RICTOR: variants seen among roughly 807,000 people sequenced by gnomAD.
The protein encoded by RICTOR is RPTOR independent companion of MTOR complex 2.
RICTOR carries 49 observed loss-of-function variants against 214.9 expected under a neutral mutation model. That is an observed-to-expected ratio of 0.23 (90% CI 0.18 to 0.29). RICTOR has a LOEUF of 0.29. Among genes scored for constraint, RICTOR ranks in the 10% least tolerant of loss-of-function variants. The pLI is 1.00. For missense variants in RICTOR, 1,625 were observed against 2,047.0 expected, an observed-to-expected ratio of 0.79 and a Z score of 3.98; for synonymous variants, 717 against 711.3, an observed-to-expected ratio of 1.01 and a Z score of -0.13.
Position 38,963,058 on chromosome 5 carries a change from T to C in RICTOR, c.1401-17A>G. On this transcript the variant is annotated splice_polypyrimidine_tract_variant and intron_variant, in intron 16 of 37. Coordinates refer to ENST00000357387, the MANE Select transcript of RICTOR (RefSeq NM_152756.5). ...CTGGCTCGCCTAATGAGAAAAACAATTCAATCAATACAGTAGCAAGACCAA... is the reference window on the plus strand; with the variant it reads ...CTGGCTCGCCTAATGAGAAAAACAACTCAATCAATACAGTAGCAAGACCAA... 1 of 1,594,614 alleles carries C rather than the reference T, an allele frequency of 6.3e-7. No homozygotes were observed. The highest frequency in any genetic ancestry group is 8.6e-7 in the Non-Finnish European group (1 of 1,167,772).
chr5:38,978,656 TAAA>T lies in RICTOR; in HGVS notation c.754-9_754-7del. 5 of 1,146,506 alleles carry T rather than the reference TAAA, an allele frequency of 4.4e-6. No homozygotes were observed. Among genetic ancestry groups the T allele is most frequent in the Non-Finnish European group, 6.0e-6 (5 of 827,296 alleles). The allele number at this position is 1,146,506 out of a possible 1,614,324, so 71.0% of individuals were successfully genotyped here. ...GTATAGGGTGCTAAAATTCTCTATT[TAAA>T]AAAAAAAAGGAAGAAAAGAGTCTTT... is the stretch of plus-strand genomic sequence containing the variant. On this transcript the variant is annotated splice_polypyrimidine_tract_variant and splice_region_variant and intron_variant, in intron 8 of 37. Transcript: ENST00000357387.
At chr5:39,013,063 C>A (rs539771386) in intron 3 of RICTOR, among the ~76,000 whole-genome samples, 1 of 152,288 alleles carries the variant, frequency 6.6e-6, no homozygotes, top group South Asian at 2.1e-4. Flanking sequence ...TTGACAGTGT[C>A]TCAACCCCTG....
chr5:39,020,649 A>G (rs1334288668), intron 3 of RICTOR, among the ~76,000 whole-genome samples: 1 of 152,252 alleles, frequency 6.6e-6, no homozygotes, highest in Non-Finnish European at 1.5e-5. Flanking sequence ...CTTTATTACA[A>G]CATTGACTTT....
At chr5:38,962,046 G>T (rs536005459) in intron 19 of RICTOR, among the ~76,000 whole-genome samples, 1 of 151,898 alleles carries the variant, frequency 6.6e-6, no homozygotes, top group East Asian at 1.9e-4. Flanking sequence ...CTATACAATT[G>T]ATACTACCCC....
chr5:38,963,192 C>A, intron 16 of RICTOR, 151 bp from the exon 17 acceptor site: 3 of 540,426 alleles, frequency 5.6e-6, no homozygotes, highest in Non-Finnish European at 9.5e-6. Context: ...GAGACAAATA[C>A]AAAAAATAAC....
intron 4 of RICTOR, 61 bp from the exon 5 acceptor site, chr5:39,002,727 AT>A: frequency 1.3e-6 from 2 of 1,504,914 alleles, no homozygotes; most frequent in Non-Finnish European, 1.8e-6. Context: ...ACACAAAATT[AT>A]ATTACCAAAT....
intron 2 of RICTOR, among the ~76,000 whole-genome samples, chr5:39,056,786 T>C (rs750488792): frequency 6.6e-6 from 1 of 152,006 alleles, no homozygotes; most frequent in Non-Finnish European, 1.5e-5. Context: ...AATAGAAATA[T>C]TGGAGGAAAA....
chr5:39,073,438 T>C (rs567772082), intron 2 of RICTOR, among the ~76,000 whole-genome samples: 2 of 152,174 alleles, frequency 1.3e-5, no homozygotes, highest in Non-Finnish European at 2.9e-5. Flanking sequence ...CCATCTCCAC[T>C]GCAGAAGGTA....
intron 2 of RICTOR, among the ~76,000 whole-genome samples, chr5:39,036,933 C>A (rs1580160189): frequency 1.3e-5 from 2 of 152,036 alleles, no homozygotes; most frequent in East Asian, 3.9e-4. Flanking sequence ...ACAAGGATAC[C>A]CAGGAATTGA....
At chr5:38,946,288 A>T (rs1268518095) in intron 33 of RICTOR, among the ~76,000 whole-genome samples, 180 bp downstream of exon 33, 6 of 152,216 alleles carry the variant, frequency 3.9e-5, no homozygotes, top group Non-Finnish European at 8.8e-5. Context: ...TAAGTCCCTC[A>T]CACATACACA....
At chr5:38,976,034 TCAA>T (rs1434975443) in intron 9 of RICTOR, among the ~76,000 whole-genome samples, 3 of 152,206 alleles carry the variant, frequency 2.0e-5, no homozygotes, top group African/African-American at 7.2e-5. Context: ...ACAAGCAAGT[TCAA>T]CAACCTATAT....
intron 3 of RICTOR, among the ~76,000 whole-genome samples, chr5:39,017,299 A>C (rs1296552511): frequency 2.0e-5 from 3 of 152,194 alleles, no homozygotes; most frequent in Non-Finnish European, 4.4e-5. Context: ...AGTGAGGCTT[A>C]TTTGAATTGA....
intron 2 of RICTOR, among the ~76,000 whole-genome samples, chr5:39,061,828 A>G (rs190377800): frequency 1.3e-5 from 2 of 152,084 alleles, no homozygotes; most frequent in Admixed American, 6.5e-5. Flanking sequence ...TCAAATATAT[A>G]ACTTTTTTCA....
chr5:38,942,508 T>C, intron 37 of RICTOR, 130 bp from the exon 38 acceptor site: 1 of 494,568 alleles, frequency 2.0e-6, no homozygotes, highest in Non-Finnish European at 3.5e-6. Flanking sequence ...TGCAGCACAA[T>C]GTTGCCATCT....
Position 39,074,366 on chromosome 5 carries a change from G to C in RICTOR, c.12C>G (p.Ile4Met), listed in dbSNP as rs1031851536. ...GGTTCTTCAGAGAGCGGCCGCGGCC[G>C]ATCGCCGCCATATTGACGGGTTTCA... MAA[I>M]GRGRSLKNLR... The change falls in exon 1 of 38, where the codon ATC becomes ATG. Residue 4 changes from isoleucine (I) to methionine (M), a missense_variant. By Grantham distance (10) the Ile-to-Met change is conservative. Coordinates refer to ENST00000357387, the MANE Select transcript of RICTOR (RefSeq NM_152756.5). 5 of 1,538,408 alleles carry C rather than the reference G, an allele frequency of 3.3e-6. No individual in the cohort carries two copies. Among genetic ancestry groups the C allele is most frequent in the African/African-American group, 1.4e-5 (1 of 71,586 alleles).
intron 7 of RICTOR, among the ~76,000 whole-genome samples, chr5:38,982,773 C>A (rs867562431): frequency 8.5e-6 from 1 of 117,704 alleles, no homozygotes; most frequent in South Asian, 3.0e-4. Context: ...TACATACATA[C>A]ACACATATAT....
intron 7 of RICTOR, among the ~76,000 whole-genome samples, chr5:38,989,700 GA>G (rs1397548915): frequency 6.6e-6 from 1 of 152,136 alleles, no homozygotes; most frequent in East Asian, 1.9e-4. Flanking sequence ...GATATGAACA[GA>G]CACTTCTCAA....
At chr5:38,949,337 G>A in intron 31 of RICTOR, 3 of 1,493,904 alleles carry the variant, frequency 2.0e-6, no homozygotes, top group Non-Finnish European at 2.7e-6. Flanking sequence ...TCAACTTTTG[G>A]AGCCTTAAAT....
At position 39,023,328 on chromosome 5, in the gene RICTOR, G is replaced by C. The variant is rs555189783; in HGVS notation, c.98-2192C>G. Among the ~76,000 whole-genome samples the C allele has an allele frequency of 3.4e-5, 5 of 147,594 alleles. No individual in the cohort carries two copies. In the East Asian group the frequency reaches 9.9e-4, roughly 29 times the overall value. The stretch of plus-strand genomic sequence containing the variant: ...AGAAAATCTTACAAGTAACCAGATT[G>C]AAAAAAAAGAAGTTACATAGAGCAA... On this transcript the variant is annotated intron_variant, in intron 2 of 37. Transcript: ENST00000357387.
Sources: gnomAD v4.1 joint callset for allele counts (sites outside exome capture counted in the v4.1 genomes callset) on GRCh38, gnomAD v4.1.1 for gene constraint, MANE v1.5 for transcripts, NCBI Gene and HGNC (gene_info 2026-07-23, HGNC 2026-07-21) for gene names.